The following RBMS3 variants were observed in gnomAD, a reference collection of about 807,000 sequenced individuals.
RBMS3 encodes the protein RNA binding motif single stranded interacting protein 3.
Under a neutral mutation model 66.8 loss-of-function variants are expected in RBMS3, and 27 were observed. The observed-to-expected ratio is 0.40, with a 90% CI of 0.30 to 0.56. RBMS3 has a LOEUF of 0.56. Among genes scored for constraint, RBMS3 ranks in the 20% least tolerant of loss-of-function variants. The probability of loss-of-function intolerance (pLI) is 0.40; values close to 1 mark genes in which losing one functional copy is unlikely to be tolerated. For synonymous variants in RBMS3, 188 were observed against 183.0 expected (o/e 1.03, Z -0.22); for missense variants, 513 against 549.5 (o/e 0.93, Z 0.66).
At position 29,281,630 on chromosome 3, in the gene RBMS3, C is replaced by A; in HGVS notation, c.-52C>A. 1.4e-6 allele frequency: 2 copies of A among 1,472,860 alleles called. No homozygotes were observed. Among genetic ancestry groups the A allele is most frequent in the Non-Finnish European group, 1.9e-6 (2 of 1,052,114 alleles). The allele number at this position is 1,472,860 out of a possible 1,614,324, so 91.2% of individuals were successfully genotyped here. A position where few individuals can be genotyped will look rare whatever the true frequency, so the allele number is the denominator to read the frequency against. ...GTTTAAGAGGAAGCTCGGCCTGGGG[C>A]ACTATACCCTGTCATCCAGTTCCCT... On this transcript the variant is annotated 5_prime_UTR_variant, in exon 1 of 15. Coordinates refer to ENST00000383767, the MANE Select transcript of RBMS3 (RefSeq NM_001003793.3).
At chr3:29,759,233 C>A (rs1231676922) in intron 5 of RBMS3, among the ~76,000 whole-genome samples, 1 of 151,810 alleles carries the variant, frequency 6.6e-6, no homozygotes, top group Admixed American at 6.6e-5. Flanking sequence ...GAAGAAGAAG[C>A]ACAATTCTGT....
chr3:29,575,491 A>G (rs1367596625), intron 3 of RBMS3, among the ~76,000 whole-genome samples: 3 of 152,020 alleles, frequency 2.0e-5, no homozygotes, highest in Non-Finnish European at 2.9e-5. Context: ...TCTTTGGGTT[A>G]AACCTGCTTG....
intron 2 of RBMS3, among the ~76,000 whole-genome samples, chr3:29,444,788 CTTTTTTTTTT>C (rs558839351): frequency 2.0e-4 from 10 of 50,488 alleles, no homozygotes; most frequent in African/African-American, 6.1e-4. Flanking sequence ...AAATATATGC[CTTTTTTTTTT>C]TTTTTTTTTT....
At chr3:29,634,385 G>A (rs910980576) in intron 4 of RBMS3, among the ~76,000 whole-genome samples, 3 of 151,804 alleles carry the variant, frequency 2.0e-5, no homozygotes, top group African/African-American at 7.3e-5. Flanking sequence ...ACAGACACAT[G>A]GATATTCCAG....
At chr3:29,624,719 T>C (rs1003535660) in intron 4 of RBMS3, among the ~76,000 whole-genome samples, 2 of 152,174 alleles carry the variant, frequency 1.3e-5, no homozygotes, top group African/African-American at 2.4e-5. Context: ...AGCACATATA[T>C]GAGCATAAAT....
In RBMS3 at chr3:29,552,569, G is replaced by A. The variant is rs149216082; in HGVS notation, c.308-34545G>A. On this transcript the variant is annotated intron_variant, in intron 3 of 14. Coordinates refer to ENST00000383767, the MANE Select transcript of RBMS3 (RefSeq NM_001003793.3). Reference sequence around the variant, plus strand: ...TAATTGGTAATAAAATGCATCAACCGTCTTCTCTAAGCAAAAAGTGAATAG... The same window carrying A: ...TAATTGGTAATAAAATGCATCAACCATCTTCTCTAAGCAAAAAGTGAATAG... 1.5e-3 allele frequency among the ~76,000 whole-genome samples: 235 copies of A among 152,164 alleles called. 1 individual carries two copies. The highest frequency in any genetic ancestry group is 5.5e-3 in the African/African-American group (228 of 41,522).
intron 3 of RBMS3, among the ~76,000 whole-genome samples, chr3:29,569,996 G>A (rs1202970301): frequency 6.6e-6 from 1 of 152,072 alleles, no homozygotes; most frequent in East Asian, 1.9e-4. Context: ...GGAAAAATCA[G>A]ATGTTAAAAT....
rs942312205 is a variant in RBMS3 at position 29,817,848 on chromosome 3, A to G, written c.638-51010A>G. Among the ~76,000 whole-genome samples, 4 of 152,088 alleles carry G rather than the reference A, an allele frequency of 2.6e-5. No homozygotes were observed. The East Asian group carries it at 7.7e-4, about 29-fold the overall frequency. ...AAGCAGAAGGAGCCATTGTAGTTTC[A>G]ACAGTCTACTTCAGTAGCCCTTCTA... On this transcript the variant is annotated intron_variant, in intron 6 of 14. Coordinates refer to ENST00000383767, the MANE Select transcript of RBMS3 (RefSeq NM_001003793.3).
At chr3:29,680,698 T>C (rs1341532738) in intron 4 of RBMS3, among the ~76,000 whole-genome samples, 1 of 152,176 alleles carries the variant, frequency 6.6e-6, no homozygotes, top group Non-Finnish European at 1.5e-5. Context: ...ATGAACCTTT[T>C]ACTATTCTTG....
intron 5 of RBMS3, among the ~76,000 whole-genome samples, chr3:29,760,359 T>C (rs2055624268): frequency 6.6e-6 from 1 of 152,056 alleles, no homozygotes; most frequent in Non-Finnish European, 1.5e-5. Context: ...AGGATTTGAT[T>C]TGTAGGACTC....
At chr3:29,529,336 G>A (rs753124599) in intron 3 of RBMS3, among the ~76,000 whole-genome samples, 25 of 152,060 alleles carry the variant, frequency 1.6e-4, no homozygotes, top group African/African-American at 4.1e-4. Flanking sequence ...TATCATGAAC[G>A]TAGTTTATGG....
At chr3:29,701,612 C>T (rs1006803541) in intron 4 of RBMS3, among the ~76,000 whole-genome samples, 33 of 150,252 alleles carry the variant, frequency 2.2e-4, no homozygotes, top group Middle Eastern at 3.2e-3. Flanking sequence ...CTGCGCGCGT[C>T]GTTCACGGCC....
intron 1 of RBMS3, among the ~76,000 whole-genome samples, chr3:29,289,216 C>G (rs1205580968): frequency 1.3e-5 from 2 of 151,846 alleles, no homozygotes; most frequent in East Asian, 1.9e-4. Context: ...ATAGTGGCCT[C>G]TGCTATGGAA....
At chr3:29,574,575 C>A (rs952170904) in intron 3 of RBMS3, among the ~76,000 whole-genome samples, 2 of 151,968 alleles carry the variant, frequency 1.3e-5, no homozygotes, top group Non-Finnish European at 2.9e-5. Flanking sequence ...TATTGATAGG[C>A]AGGGACTTAT....
chr3:29,702,519 G>T (rs1373721771), intron 4 of RBMS3, among the ~76,000 whole-genome samples: 1 of 152,182 alleles, frequency 6.6e-6, no homozygotes, highest in African/African-American at 2.4e-5. Flanking sequence ...TTGTTCTTTT[G>T]CTCTTTGCAA....
At chr3:29,709,112 C>A (rs1476218516) in intron 4 of RBMS3, among the ~76,000 whole-genome samples, 1 of 152,172 alleles carries the variant, frequency 6.6e-6, no homozygotes, top group Non-Finnish European at 1.5e-5. Context: ...TCCTTACGTT[C>A]CCTTTCACAG....
rs1488002429 is a variant in RBMS3, at chr3:29,385,566, C to T, written c.76-49177C>T. 2.6e-5 allele frequency among the ~76,000 whole-genome samples: 4 copies of T among 152,122 alleles called. No individual in the cohort carries two copies. In the South Asian group the frequency reaches 6.2e-4, roughly 24 times the overall value. On this transcript the variant is annotated intron_variant, in intron 1 of 14. Transcript: ENST00000383767. ...TAGTTTCAGATCATTCTCATTCCAT[C>T]TTCTGTGCAACCCCCCTCTATGAGT... is the stretch of plus-strand genomic sequence containing the variant.
intron 1 of RBMS3, among the ~76,000 whole-genome samples, chr3:29,324,886 T>C (rs2035228487): frequency 6.6e-6 from 1 of 152,190 alleles, no homozygotes; most frequent in Admixed American, 6.5e-5. Flanking sequence ...TGTTTTCCTT[T>C]TCCCCACTGT....
chr3:29,346,985 A>C (rs1357871075), intron 1 of RBMS3, among the ~76,000 whole-genome samples: 1 of 152,172 alleles, frequency 6.6e-6, no homozygotes, highest in African/African-American at 2.4e-5. Context: ...AGTTCTTGCC[A>C]GATTTCAGGT....
Sources: allele counts gnomAD v4.1 joint callset (sites outside exome capture counted in the v4.1 genomes callset), GRCh38; gene constraint gnomAD v4.1.1; transcripts MANE v1.5; gene names NCBI Gene and HGNC (gene_info 2026-07-23, HGNC 2026-07-21).